Variants in SPATA16 observed in about 807,000 individuals in gnomAD.
SPATA16 encodes the protein spermatogenesis-associated protein 16.
A neutral mutation model predicts 63.3 loss-of-function variants in SPATA16; 36 were observed. The ratio of observed to expected loss-of-function variants is 0.57; its 90% CI spans 0.44 to 0.75. The LOEUF (loss-of-function observed/expected upper bound fraction) is 0.75, where lower values mean the gene tolerates loss of function less well. SPATA16 is among the 30% of genes least tolerant of loss of function. SPATA16 has a pLI of 0.00. For missense variants in SPATA16, 646 were observed against 679.3 expected, an observed-to-expected ratio of 0.95 and a Z score of 0.54; for synonymous variants, 203 against 216.7, an observed-to-expected ratio of 0.94 and a Z score of 0.56.
chr3:173,106,498 A>G (rs1488873923), intron 2 of SPATA16, among the ~76,000 whole-genome samples: 2 of 152,202 alleles, frequency 1.3e-5, no homozygotes, highest in African/African-American at 4.8e-5. Context: ...AACCAGCACA[A>G]TGTTGCTAAT....
intron 3 of SPATA16, among the ~76,000 whole-genome samples, chr3:173,043,342 G>T (rs994545988): frequency 4.6e-5 from 7 of 151,336 alleles, no homozygotes; most frequent in African/African-American, 1.5e-4. Flanking sequence ...TTAATCATTT[G>T]CATCTTTATC....
In SPATA16 at chr3:172,976,221, G is replaced by T. The variant is rs937657449; in HGVS notation, c.933+747C>A. Among the ~76,000 whole-genome samples the T allele has an allele frequency of 9.2e-5, 14 of 152,212 alleles. No individual in the cohort carries two copies. The South Asian group carries it at 1.5e-3, about 16-fold the overall frequency. On this transcript the variant is annotated intron_variant, in intron 5 of 10. Coordinates refer to ENST00000351008, the MANE Select transcript of SPATA16 (RefSeq NM_031955.6). ...AAACAATGGGATGGAAGTTTTAAGG[G>T]AGTAGAAATTCAATTTAAATGAGGA...
chr3:173,096,914 A>G (rs1032041216), intron 2 of SPATA16, among the ~76,000 whole-genome samples: 1 of 152,178 alleles, frequency 6.6e-6, no homozygotes, highest in Non-Finnish European at 1.5e-5. Context: ...GATAAAGTAT[A>G]ACCACTAACA....
intron 4 of SPATA16, among the ~76,000 whole-genome samples, chr3:173,018,828 G>A (rs1735255112): frequency 6.6e-6 from 1 of 152,158 alleles, no homozygotes. Context: ...AATTATTTGA[G>A]AGAGCTCATG....
chr3:172,957,187 A>G (rs1733617653), intron 5 of SPATA16, among the ~76,000 whole-genome samples: 1 of 152,160 alleles, frequency 6.6e-6, no homozygotes, highest in African/African-American at 2.4e-5. Flanking sequence ...TTGGTGAGCA[A>G]TTTGTATATG....
intron 2 of SPATA16, among the ~76,000 whole-genome samples, chr3:173,058,155 C>T (rs1736293591): frequency 6.6e-6 from 1 of 151,986 alleles, no homozygotes; most frequent in Admixed American, 6.6e-5. Flanking sequence ...TATTGTTATC[C>T]ATACTACTAT....
chr3:172,953,049 A>T (rs560702729), intron 6 of SPATA16, among the ~76,000 whole-genome samples: 1 of 152,210 alleles, frequency 6.6e-6, no homozygotes, highest in Admixed American at 6.5e-5. Flanking sequence ...ATCCTACATA[A>T]TTCTTTTAAT....
At chr3:172,993,474 A>C (rs958659205) in intron 4 of SPATA16, among the ~76,000 whole-genome samples, 3 of 152,192 alleles carry the variant, frequency 2.0e-5, no homozygotes, top group Admixed American at 2.0e-4. Flanking sequence ...GCCAAGGAAG[A>C]GTTTGTTGGA....
At chr3:173,014,336 G>A (rs1735133396) in intron 4 of SPATA16, among the ~76,000 whole-genome samples, 1 of 152,192 alleles carries the variant, frequency 6.6e-6, no homozygotes, top group African/African-American at 2.4e-5. Flanking sequence ...CATAGGAATA[G>A]AAAACCAAGT....
intron 5 of SPATA16, among the ~76,000 whole-genome samples, chr3:172,976,700 C>T (rs543547645): frequency 6.6e-5 from 10 of 152,064 alleles, no homozygotes; most frequent in South Asian, 2.1e-4. Flanking sequence ...TATAGTAGCA[C>T]GCCTGGAAAA....
At position 173,131,356 on chromosome 3, in the gene SPATA16, A is replaced by G. The variant is rs62282614; in HGVS notation, c.-19+9747T>C. ...ATAAAAGACCAAATCATTTGTTTCA[A>G]TATAGCTAAGAAGGCTATGAAGAGG... On this transcript the variant is annotated intron_variant, in intron 1 of 10. Transcript: ENST00000351008. Among the ~76,000 whole-genome samples, 478 of 152,332 alleles carry G rather than the reference A, an allele frequency of 3.1e-3. 1 individual carries two copies. The highest frequency in any genetic ancestry group is 0.014 in the Middle Eastern group (4 of 294).
Position 172,976,979 on chromosome 3 carries a change from G to A in SPATA16, c.922C>T (p.Leu308=). 2.5e-6 allele frequency: 4 copies of A among 1,612,044 alleles called. No homozygotes were observed. Among genetic ancestry groups the A allele is most frequent in the Non-Finnish European group, 8.5e-7 (1 of 1,179,192 alleles). The change falls in exon 5 of 11, where the codon CTG becomes TTG. Residue 308 remains leucine (L), a synonymous_variant. Coordinates refer to ENST00000351008, the MANE Select transcript of SPATA16 (RefSeq NM_031955.6). ...ACATCAATTTTTACCTGCCAATACA[G>A]TTTGATGAGCTTGCTTATGCTCTCT... is the stretch of plus-strand genomic sequence containing the variant. ...REESISKLIK[L]YWQAMIEEAI...
intron 4 of SPATA16, among the ~76,000 whole-genome samples, chr3:173,015,640 A>G (rs1181315156): frequency 6.6e-6 from 1 of 152,208 alleles, no homozygotes; most frequent in African/African-American, 2.4e-5. Context: ...TATCAACCAC[A>G]TAGTACCACA....
At chr3:172,905,456 T>C (rs1268635180) in intron 10 of SPATA16, among the ~76,000 whole-genome samples, 3 of 152,180 alleles carry the variant, frequency 2.0e-5, no homozygotes, top group South Asian at 2.1e-4. Context: ...TAAATGCTGA[T>C]GTGGAAAGTA....
chr3:172,912,105 T>G (rs1172236890), intron 10 of SPATA16, among the ~76,000 whole-genome samples: 1 of 152,254 alleles, frequency 6.6e-6, no homozygotes, highest in Non-Finnish European at 1.5e-5. Context: ...GTGCCATGCT[T>G]TTTTAAAAAA....
chr3:173,077,577 AAAG>A (rs2108311460), intron 2 of SPATA16, among the ~76,000 whole-genome samples: 1 of 152,318 alleles, frequency 6.6e-6, no homozygotes, highest in South Asian at 2.1e-4. Context: ...GATATAACAG[AAAG>A]AAGTACTTTT....
At chr3:173,088,656 G>T (rs1457740627) in intron 2 of SPATA16, among the ~76,000 whole-genome samples, 1 of 152,140 alleles carries the variant, frequency 6.6e-6, no homozygotes, top group African/African-American at 2.4e-5. Flanking sequence ...AACTGTATAG[G>T]TATTAAATTT....
chr3:173,013,545 A>G (rs918680048), intron 4 of SPATA16, among the ~76,000 whole-genome samples: 1 of 152,264 alleles, frequency 6.6e-6, no homozygotes, highest in African/African-American at 2.4e-5. Flanking sequence ...GCTTGAAGCA[A>G]GCTTACAGTG....
At chr3:172,910,332 T>TC (rs1441071188) in intron 10 of SPATA16, among the ~76,000 whole-genome samples, 1 of 152,120 alleles carries the variant, frequency 6.6e-6, no homozygotes, top group Non-Finnish European at 1.5e-5. Flanking sequence ...GACCTCGTGA[T>TC]CCGCCCGCCT....
Sources: allele counts gnomAD v4.1 joint callset (sites outside exome capture counted in the v4.1 genomes callset), GRCh38; gene constraint gnomAD v4.1.1; transcripts MANE v1.5; gene names NCBI Gene and HGNC (gene_info 2026-07-23, HGNC 2026-07-21).